Variants in MYL3 observed in about 807,000 individuals in gnomAD.
The protein encoded by MYL3 is CMLC1.
A neutral mutation model predicts 21.3 loss-of-function variants in MYL3; 11 were observed. The ratio of observed to expected loss-of-function variants is 0.52; its 90% CI spans 0.32 to 0.85. The LOEUF is 0.85. Ranked by LOEUF, MYL3 falls within the 40% of genes least tolerant of loss-of-function variation. The pLI is 0.03. For synonymous variants in MYL3, 88 were observed against 91.6 expected (o/e 0.96, Z 0.22); for missense variants, 206 against 253.3 (o/e 0.81, Z 1.27).
Position 46,873,756 on chromosome 3 carries a change from C to T in MYL3, c.-217-7156G>A, listed in dbSNP as rs913594435. On this transcript the variant is annotated intron_variant, in intron 1 of 3. Coordinates refer to the MYL3 transcript ENST00000431168. ...AGCTCAGGAAAGGAGTGCAGTGGGA[C>T]TGGGGGAAGCCTAGACCACTGACCT... 1.2e-4 allele frequency among the ~76,000 whole-genome samples: 18 copies of T among 152,286 alleles called. 1 individual carries two copies. Among genetic ancestry groups the T allele is most frequent in the African/African-American group, 3.9e-4 (16 of 41,558 alleles).
chr3:46,873,316 G>T (rs1009810804), intron 1 of MYL3, among the ~76,000 whole-genome samples: 1 of 152,238 alleles, frequency 6.6e-6, no homozygotes, highest in Non-Finnish European at 1.5e-5. Flanking sequence ...GGGCAGTGGG[G>T]CCAGGCAGGG....
intron 5 of MYL3, 21 bp downstream of exon 5, chr3:46,858,363 C>G (rs200672141): frequency 1.2e-6 from 2 of 1,614,120 alleles, no homozygotes; most frequent in African/African-American, 2.7e-5. Flanking sequence ...CCCAGAAGAC[C>G]CCTGCCCCTG....
At chr3:46,880,135 C>T (rs952560813) in intron 1 of MYL3, 1 of 152,254 alleles carries the variant, frequency 6.6e-6, no homozygotes. Context: ...CCTGGGCCTC[C>T]GTCCCAAGGA....
rs1340200879 is a variant in MYL3, at chr3:46,874,790, G to A, written c.-218+7284C>T. ...CTGGGGATTTTACAACCACTGGAGC[G>A]GGAAATCACACTCTACCCAGAAGGC... is the stretch of plus-strand genomic sequence containing the variant. On this transcript the variant is annotated intron_variant, in intron 1 of 3. Coordinates refer to the MYL3 transcript ENST00000431168. This position sits in a 1 kb window ranked among gnomAD's most constrained non-coding sequence, Gnocchi z 4.1. 4.6e-5 allele frequency among the ~76,000 whole-genome samples: 7 copies of A among 152,118 alleles called. No homozygotes were observed. Among genetic ancestry groups the A allele is most frequent in the East Asian group, 1.9e-4 (1 of 5,186 alleles).
rs997708651 is a variant in MYL3, at chr3:46,860,989, T to C, written c.130-2A>G. The C allele has an allele frequency of 1.2e-6, 2 of 1,613,804 alleles. No homozygotes were observed. The highest frequency in any genetic ancestry group is 2.7e-5 in the African/African-American group (2 of 74,850). ...AATCTGCTCAGGTGTGAACTCAATC[T>C]GAAAAGAGACCCCAAAGACTCAGAT... On this transcript the variant is annotated splice_acceptor_variant, in intron 1 of 6. Coordinates refer to ENST00000292327, the MANE Select transcript of MYL3 (RefSeq NM_000258.3). LOFTEE classifies it high-confidence loss of function. The surrounding 1 kb of genome is among the most constrained non-coding windows in gnomAD (Gnocchi z 4.6).
upstream of MYL3, chr3:46,863,621 TC>T: frequency 3.7e-6 from 2 of 533,674 alleles, no homozygotes; most frequent in Non-Finnish European, 6.8e-6. Context: ...AGGAGGGATC[TC>T]CATTCCTCCC....
rs1366112208 is a variant in MYL3 at position 46,861,983 on chromosome 3, T to C, written c.130-996A>G. On this transcript the variant is annotated intron_variant, in intron 1 of 6. Transcript: ENST00000292327. The surrounding 1 kb of genome is among the most constrained non-coding windows in gnomAD (Gnocchi z 4.2). ...CAGTGTTGGGAAGAACAGGTTGTCA[T>C]TCCTGGCTCCCTGAGAGCTCTCTCC... Among the ~76,000 whole-genome samples the C allele has an allele frequency of 6.6e-6, 1 of 152,210 alleles. No individual in the cohort carries two copies. Among genetic ancestry groups the C allele is most frequent in the Non-Finnish European group, 1.5e-5 (1 of 68,028 alleles).
chr3:46,858,712 G>A (rs772678777), intron 4 of MYL3, among the ~76,000 whole-genome samples: 1 of 152,284 alleles, frequency 6.6e-6, no homozygotes, highest in African/African-American at 2.4e-5. Context: ...CCGCCAGGAC[G>A]AAGCCAGGGC....
In MYL3 at chr3:46,859,580, C is replaced by T. The variant is rs1701968403; in HGVS notation, c.376G>A (p.Asp126Asn). 2 of 1,614,222 alleles carry T rather than the reference C, an allele frequency of 1.2e-6. No individual in the cohort carries two copies. The highest frequency in any genetic ancestry group is 1.7e-6 in the Non-Finnish European group (2 of 1,180,046). The change falls in exon 4 of 7, where the codon GAC (aspartate) becomes AAC (asparagine). Residue 126 changes from aspartate to asparagine, a missense_variant. Asp to Asn is a conservative substitution (Grantham distance 23). Transcript: ENST00000292327. The surrounding 1 kb of genome is among the most constrained non-coding windows in gnomAD (Gnocchi z 4.1). ...PMLQHISKNK[D>N]TGTYEDFVEG... ...ACGAAGTCCTCATAGGTGCCTGTGT[C>T]CTTGTTCTTGGAAATGTGCTGGAGC...
In MYL3 at chr3:46,861,442, G is replaced by A. The variant is rs1234710075; in HGVS notation, c.130-455C>T. Among the ~76,000 whole-genome samples the A allele has an allele frequency of 6.6e-6, 1 of 152,230 alleles. No individual in the cohort carries two copies. The highest frequency in any genetic ancestry group is 1.5e-5 in the Non-Finnish European group (1 of 68,040). On this transcript the variant is annotated intron_variant, in intron 1 of 6. Transcript: ENST00000292327. This position sits in a 1 kb window ranked among gnomAD's most constrained non-coding sequence, Gnocchi z 4.2. ...TAGAAGGAGTAAGGGCAATGGTACA[G>A]GCCGAGGGCTGGTGGCTGGAAGCAT...
intron 1 of MYL3, among the ~76,000 whole-genome samples, chr3:46,875,413 C>G (rs2030155495): frequency 6.6e-6 from 1 of 152,184 alleles, no homozygotes; most frequent in African/African-American, 2.4e-5. Flanking sequence ...AACCCAAGGC[C>G]AGGTATGCAG....
chr3:46,875,821 G>C (rs535889104), intron 1 of MYL3, among the ~76,000 whole-genome samples: 2 of 152,326 alleles, frequency 1.3e-5, no homozygotes, highest in Admixed American at 6.5e-5. Flanking sequence ...AGCCCCAAAG[G>C]GTTTATGGGT....
intron 1 of MYL3, among the ~76,000 whole-genome samples, chr3:46,875,040 A>G (rs946002883): frequency 1.3e-5 from 2 of 152,206 alleles, no homozygotes; most frequent in Non-Finnish European, 2.9e-5. Context: ...CGTCTGTGGC[A>G]GGGAGAACTG....
In MYL3 at chr3:46,878,282, C is replaced by T. The variant is rs188397077; in HGVS notation, c.-218+3792G>A. ...CGAAATGGCTGTAAAAGTGGCACCT[C>T]GCTTCACTTATGGCCTAGCCATCCC... On this transcript the variant is annotated intron_variant, in intron 1 of 3. Coordinates refer to the MYL3 transcript ENST00000431168. 2.8e-3 allele frequency among the ~76,000 whole-genome samples: 420 copies of T among 152,342 alleles called. 3 individuals carry two copies. Among genetic ancestry groups the T allele is most frequent in the Admixed American group, 5.5e-3 (84 of 15,302 alleles).
In MYL3 at chr3:46,860,731, G is replaced by A. The variant is rs1208513977; in HGVS notation, c.252C>T (p.Gly84=). ...GQCGDVLRAL[G]QNPTQAEVLR... ...GCACTTCTGCCTGTGTGGGGTTCTG[G>A]CCCAGCGCCCGCAGGACATCCCCAC... Residue 84 remains glycine, a synonymous_variant, in exon 3 of 7, where the codon GGC becomes GGT. Coordinates refer to ENST00000292327, the MANE Select transcript of MYL3 (RefSeq NM_000258.3). This position sits in a 1 kb window ranked among gnomAD's most constrained non-coding sequence, Gnocchi z 4.6. The A allele has an allele frequency of 6.8e-6, 11 of 1,614,086 alleles. No individual in the cohort carries two copies. Among genetic ancestry groups the A allele is most frequent in the Non-Finnish European group, 9.3e-6 (11 of 1,179,996 alleles).
At position 46,859,122 on chromosome 3, in the gene MYL3, G is replaced by A. The variant is rs557539778; in HGVS notation, c.481+353C>T. On this transcript the variant is annotated intron_variant, in intron 4 of 6. Transcript: ENST00000292327. This position sits in a 1 kb window ranked among gnomAD's most constrained non-coding sequence, Gnocchi z 4.1. ...CACAGAGGTCAGGATCCCCCCAGGC[G>A]GCAGGCACTTGACCTGCTTGACCAC... 5.9e-5 allele frequency among the ~76,000 whole-genome samples: 9 copies of A among 152,246 alleles called. No individual in the cohort carries two copies. Among genetic ancestry groups the A allele is most frequent in the South Asian group, 2.1e-4 (1 of 4,824 alleles).
In MYL3 at chr3:46,863,317, G is replaced by A; in HGVS notation, c.74C>T (p.Pro25Leu). 1 of 1,614,120 alleles carries A rather than the reference G, an allele frequency of 6.2e-7. No homozygotes were observed. Among genetic ancestry groups the A allele is most frequent in the Non-Finnish European group, 8.5e-7 (1 of 1,180,048 alleles). The change falls in exon 1 of 7, where the codon CCT becomes CTT. Residue 25 changes from proline to leucine, a missense_variant. By Grantham distance (98) the Pro-to-Leu change is moderately conservative. Coordinates refer to ENST00000292327, the MANE Select transcript of MYL3 (RefSeq NM_000258.3). Reference protein sequence around the residue: ...AAPKAAPAPAPPPEPERPKEV... With the variant: ...AAPKAAPAPALPPEPERPKEV... ...CTTAGGGCGCTCAGGCTCAGGGGGA[G>A]GTGCGGGAGCTGGAGCTGCCTTGGG...
upstream of MYL3, among the ~76,000 whole-genome samples, chr3:46,863,902 T>A (rs1047455288): frequency 6.6e-5 from 10 of 152,126 alleles, no homozygotes; most frequent in Admixed American, 2.0e-4. Context: ...TCTGTGTCTA[T>A]GACCGTGTCC....
chr3:46,874,940 C>A lies in MYL3; in HGVS notation c.-218+7134G>T, dbSNP rs981580951. Among the ~76,000 whole-genome samples, 1 of 152,212 alleles carries A rather than the reference C, an allele frequency of 6.6e-6. No individual in the cohort carries two copies. Among genetic ancestry groups the A allele is most frequent in the Admixed American group, 6.5e-5 (1 of 15,280 alleles). On this transcript the variant is annotated intron_variant, in intron 1 of 3. Transcript: ENST00000431168. The surrounding 1 kb of genome is among the most constrained non-coding windows in gnomAD (Gnocchi z 4.1). ...GGGGAGGCCTTTCTCCTACCCCACT[C>A]CCCGCCACCATGCCACCAGGGATCT...
Sources: allele counts gnomAD v4.1 joint callset (sites outside exome capture counted in the v4.1 genomes callset), GRCh38; gene constraint gnomAD v4.1.1; non-coding constraint Gnocchi (gnomAD v3.1); transcripts MANE v1.5; gene names NCBI Gene and HGNC (gene_info 2026-07-23, HGNC 2026-07-21).